EPHA3: variants seen among roughly 807,000 people sequenced by gnomAD.
The protein encoded by EPHA3 is EPH receptor A3.
Under a neutral mutation model 107.1 loss-of-function variants are expected in EPHA3, and 42 were observed. The observed-to-expected ratio is 0.39, with a 90% CI of 0.31 to 0.51. The LOEUF is 0.51. Ranked by LOEUF, EPHA3 falls within the 20% of genes least tolerant of loss-of-function variation. EPHA3 has a pLI of 0.78. For missense variants in EPHA3, 1,183 were observed against 1,211.2 expected (o/e 0.98, Z 0.35); for synonymous variants, 461 against 424.8 (o/e 1.09, Z -1.05).
intron 3 of EPHA3, among the ~76,000 whole-genome samples, chr3:89,287,621 C>A (rs929910027): frequency 1.3e-5 from 2 of 151,930 alleles, no homozygotes; most frequent in Non-Finnish European, 2.9e-5. Context: ...CACCAAAATA[C>A]CCAGGGACAA....
rs187399534 is a variant in EPHA3 at position 89,108,753 on chromosome 3, T to C, written c.88+917T>C. Among the ~76,000 whole-genome samples, 24 of 152,328 alleles carry C rather than the reference T, an allele frequency of 1.6e-4. 1 individual carries two copies. The highest frequency in any genetic ancestry group is 1.4e-3 in the Admixed American group (22 of 15,310). ...ATACATACATTTTCTTTCTCCTGTA[T>C]TCCTTTTGTGATCTATTCTTGTGAA... On this transcript the variant is annotated intron_variant, in intron 1 of 16. Transcript: ENST00000336596.
At chr3:89,435,156 T>C (rs1709642157) in intron 13 of EPHA3, among the ~76,000 whole-genome samples, 1 of 151,750 alleles carries the variant, frequency 6.6e-6, no homozygotes, top group Non-Finnish European at 1.5e-5. Context: ...GAAATAAATA[T>C]ATACTTACTC....
intron 2 of EPHA3, among the ~76,000 whole-genome samples, chr3:89,183,827 T>C (rs1318358823): frequency 6.6e-6 from 1 of 151,920 alleles, no homozygotes; most frequent in Non-Finnish European, 1.5e-5. Context: ...ACTGCTGTCT[T>C]ATCTGAAATT....
intron 3 of EPHA3, among the ~76,000 whole-genome samples, chr3:89,285,922 C>T (rs1706070867): frequency 6.6e-6 from 1 of 151,936 alleles, no homozygotes; most frequent in Non-Finnish European, 1.5e-5. Flanking sequence ...AAGGAAGAAG[C>T]GTTGGTCAAC....
chr3:89,331,216 T>C (rs1387874538), intron 3 of EPHA3, among the ~76,000 whole-genome samples: 1 of 152,132 alleles, frequency 6.6e-6, no homozygotes, highest in Non-Finnish European at 1.5e-5. Context: ...GATATTTTGA[T>C]TTTTTATTGT....
intron 3 of EPHA3, among the ~76,000 whole-genome samples, chr3:89,328,487 G>T (rs1240116317): frequency 2.6e-5 from 4 of 152,140 alleles, no homozygotes; most frequent in Non-Finnish European, 5.9e-5. Flanking sequence ...CAATTTCCCT[G>T]TGTGCCTTGG....
chr3:89,152,413 G>A (rs1704708925), intron 2 of EPHA3, among the ~76,000 whole-genome samples: 1 of 151,912 alleles, frequency 6.6e-6, no homozygotes. Flanking sequence ...TTTCACATAT[G>A]GAAGTTTTAA....
At chr3:89,112,439 T>G (rs1707132012) in intron 1 of EPHA3, among the ~76,000 whole-genome samples, 1 of 152,078 alleles carries the variant, frequency 6.6e-6, no homozygotes, top group South Asian at 2.1e-4. Flanking sequence ...CAAACTTTGG[T>G]GTGTTCCTTA....
At chr3:89,276,245 G>A (rs1705802387) in intron 3 of EPHA3, among the ~76,000 whole-genome samples, 1 of 152,030 alleles carries the variant, frequency 6.6e-6, no homozygotes, top group Admixed American at 6.6e-5. Flanking sequence ...TTAAAGAAGT[G>A]GAAGTATGAA....
intron 3 of EPHA3, among the ~76,000 whole-genome samples, chr3:89,315,456 C>A (rs759450376): frequency 6.6e-6 from 1 of 151,646 alleles, no homozygotes; most frequent in Non-Finnish European, 1.5e-5. Flanking sequence ...CTCTTTTTGT[C>A]CTGTGGATGA....
Position 89,438,140 on chromosome 3 carries a change from ACT to A in EPHA3, c.2346+6784_2346+6785del, listed in dbSNP as rs1472872663. ...TTTGTTTTTTTTGAGATGGAGTCTC[ACT>A]CTGTCGCCCAGGCTGGAGTGCAGTG... On this transcript the variant is annotated intron_variant, in intron 13 of 16. Coordinates refer to ENST00000336596, the MANE Select transcript of EPHA3 (RefSeq NM_005233.6). 2.6e-5 allele frequency among the ~76,000 whole-genome samples: 4 copies of A among 151,084 alleles called. No homozygotes were observed. The East Asian group carries it at 7.8e-4, about 29-fold the overall frequency.
At chr3:89,350,179 G>T (rs1460302007) in intron 5 of EPHA3, among the ~76,000 whole-genome samples, 1 of 148,524 alleles carries the variant, frequency 6.7e-6, no homozygotes, top group Non-Finnish European at 1.5e-5. Flanking sequence ...GCTAGATTGG[G>T]GAAGTTCTCC....
intron 3 of EPHA3, among the ~76,000 whole-genome samples, chr3:89,266,807 C>A (rs1705548772): frequency 6.6e-6 from 1 of 151,886 alleles, no homozygotes; most frequent in Non-Finnish European, 1.5e-5. Flanking sequence ...AATGAGTAGA[C>A]ACACAAATTA....
chr3:89,467,570 G>A lies in EPHA3; in HGVS notation c.2691-4894G>A, dbSNP rs544084577. ...TAGCATTGAAATAAGATTATTACCC[G>A]AAGATATTCCTGGGATTGGCAGTTG... On this transcript the variant is annotated intron_variant, in intron 15 of 16. Coordinates refer to ENST00000336596, the MANE Select transcript of EPHA3 (RefSeq NM_005233.6). Among the ~76,000 whole-genome samples the A allele has an allele frequency of 5.3e-5, 8 of 152,218 alleles. No individual in the cohort carries two copies. The South Asian group carries it at 6.2e-4, about 12-fold the overall frequency.
intron 3 of EPHA3, among the ~76,000 whole-genome samples, chr3:89,270,224 G>T (rs1705635935): frequency 6.6e-6 from 1 of 152,054 alleles, no homozygotes; most frequent in South Asian, 2.1e-4. Flanking sequence ...GTTAGAAACT[G>T]ATATCATGTT....
intron 3 of EPHA3, among the ~76,000 whole-genome samples, chr3:89,218,737 C>A (rs942022243): frequency 6.6e-6 from 1 of 152,112 alleles, no homozygotes; most frequent in African/African-American, 2.4e-5. Flanking sequence ...AAATGCTCAT[C>A]ATCATTGGCC....
At chr3:89,233,080 C>T (rs1704674503) in intron 3 of EPHA3, among the ~76,000 whole-genome samples, 1 of 151,992 alleles carries the variant, frequency 6.6e-6, no homozygotes, top group Non-Finnish European at 1.5e-5. Context: ...TGTCTAAATA[C>T]TTACGTTACA....
chr3:89,184,542 A>C (rs1705517143), intron 2 of EPHA3, among the ~76,000 whole-genome samples: 1 of 152,090 alleles, frequency 6.6e-6, no homozygotes, highest in African/African-American at 2.4e-5. Flanking sequence ...AATTACTTTT[A>C]AAATAAGCAA....
At position 89,216,026 on chromosome 3, in the gene EPHA3, G is replaced by A. The variant is rs1156523019; in HGVS notation, c.814+5506G>A. On this transcript the variant is annotated intron_variant, in intron 3 of 16. Transcript: ENST00000336596. ...TATTATTCTTACACTAAGTTCTTTG[G>A]GCTTTTAGATGCTTTGACTGGTCTA... 2.0e-5 allele frequency among the ~76,000 whole-genome samples: 3 copies of A among 151,672 alleles called. No individual in the cohort carries two copies. In the East Asian group the frequency reaches 5.8e-4, roughly 29 times the overall value.
Sources: allele counts gnomAD v4.1 joint callset (sites outside exome capture counted in the v4.1 genomes callset), GRCh38; gene constraint gnomAD v4.1.1; transcripts MANE v1.5; gene names NCBI Gene and HGNC (gene_info 2026-07-23, HGNC 2026-07-21).